The following PTK2 variants were observed in gnomAD, a reference collection of about 807,000 sequenced individuals.
The protein encoded by PTK2 is protein tyrosine kinase 2, also known as focal adhesion kinase 1.
A neutral mutation model predicts 150.1 loss-of-function variants in PTK2; 45 were observed. The ratio of observed to expected loss-of-function variants is 0.30; its 90% CI spans 0.24 to 0.38. The LOEUF (loss-of-function observed/expected upper bound fraction) is 0.38, where lower values mean the gene tolerates loss of function less well. Among genes scored for constraint, PTK2 ranks in the 10% least tolerant of loss-of-function variants. The pLI, the probability that PTK2 is intolerant of heterozygous loss-of-function variation, is 1.00. For missense variants in PTK2, 919 were observed against 1,307.3 expected (o/e 0.70, Z 4.58); for synonymous variants, 432 against 449.2 (o/e 0.96, Z 0.48).
intron 4 of PTK2, among the ~76,000 whole-genome samples, chr8:140,873,075 T>C (rs752697928): frequency 2.6e-5 from 4 of 152,240 alleles, no homozygotes; most frequent in Non-Finnish European, 5.9e-5. Context: ...ATGAACATTA[T>C]TGCAGTTATA....
intron 2 of PTK2, among the ~76,000 whole-genome samples, chr8:140,893,888 G>A (rs1487639843): frequency 6.6e-6 from 1 of 152,168 alleles, no homozygotes; most frequent in East Asian, 1.9e-4. Flanking sequence ...TGGGGAAACA[G>A]AACTCTCATA....
At chr8:140,825,379 T>C (rs1206900422) in intron 8 of PTK2, among the ~76,000 whole-genome samples, 1 of 152,210 alleles carries the variant, frequency 6.6e-6, no homozygotes, top group African/African-American at 2.4e-5. Flanking sequence ...CTGCTCATCC[T>C]AGAAATGAAA....
chr8:140,763,260 C>T (rs1032458825), intron 15 of PTK2, among the ~76,000 whole-genome samples: 2 of 152,088 alleles, frequency 1.3e-5, no homozygotes, highest in Admixed American at 6.5e-5. Flanking sequence ...CTCTTCATTC[C>T]GGTAATGCTT....
chr8:140,735,215 C>A, intron 22 of PTK2, 36 bp downstream of exon 25: 1 of 1,583,178 alleles, frequency 6.3e-7, no homozygotes. Flanking sequence ...CATAATCTGC[C>A]CCCACCCCCA....
At chr8:140,917,558 C>T (rs1174447424) in intron 2 of PTK2, among the ~76,000 whole-genome samples, 1 of 152,128 alleles carries the variant, frequency 6.6e-6, no homozygotes, top group Admixed American at 6.6e-5. Context: ...AAAAGTTTGA[C>T]ATGGAAGATT....
At chr8:140,889,519 A>G (rs1345919115) in intron 3 of PTK2, among the ~76,000 whole-genome samples, 3 of 152,096 alleles carry the variant, frequency 2.0e-5, no homozygotes, top group African/African-American at 7.2e-5. Context: ...ATGGACCACC[A>G]TGCCCGACCT....
At chr8:140,848,908 C>T (rs538463629) in intron 5 of PTK2, among the ~76,000 whole-genome samples, 17 of 152,128 alleles carry the variant, frequency 1.1e-4, no homozygotes, top group Admixed American at 5.9e-4. Context: ...GAAAATGCAC[C>T]ATTACCAAAT....
intron 22 of PTK2, among the ~76,000 whole-genome samples, chr8:140,720,701 T>C (rs896149886): frequency 1.2e-4 from 18 of 152,204 alleles, no homozygotes; most frequent in African/African-American, 4.1e-4. Context: ...TCAGATAATA[T>C]CCTGTGTAAC....
At chr8:140,952,715 A>G (rs1347318608) in intron 1 of PTK2, among the ~76,000 whole-genome samples, 1 of 152,208 alleles carries the variant, frequency 6.6e-6, no homozygotes, top group Non-Finnish European at 1.5e-5. Context: ...CACAAAAGAG[A>G]TTTATAAATA....
At chr8:140,945,421 C>G (rs752376112) in intron 1 of PTK2, among the ~76,000 whole-genome samples, 89 of 152,124 alleles carry the variant, frequency 5.9e-4, no homozygotes, top group Non-Finnish European at 9.0e-4. Context: ...CCTTCCTCCA[C>G]AAAAAATTTT....
intron 20 of PTK2, among the ~76,000 whole-genome samples, chr8:140,740,387 G>A (rs533985418): frequency 6.6e-6 from 1 of 152,334 alleles, no homozygotes; most frequent in East Asian, 1.9e-4. Flanking sequence ...CACAGGAACA[G>A]CACCCTGATT....
intron 27 of PTK2, among the ~76,000 whole-genome samples, chr8:140,675,971 G>A (rs2100013382): frequency 6.6e-6 from 1 of 152,150 alleles, no homozygotes; most frequent in Non-Finnish European, 1.5e-5. Flanking sequence ...TGTTTATCAT[G>A]GCACTACTCC....
intron 4 of PTK2, among the ~76,000 whole-genome samples, chr8:140,867,589 G>A (rs1052305119): frequency 3.3e-5 from 5 of 152,178 alleles, no homozygotes; most frequent in African/African-American, 1.2e-4. Flanking sequence ...TCCACATAAA[G>A]CAGGAATTAA....
At chr8:140,804,846 C>T (rs1465892784) in intron 10 of PTK2, among the ~76,000 whole-genome samples, 1 of 152,184 alleles carries the variant, frequency 6.6e-6, no homozygotes, top group Non-Finnish European at 1.5e-5. Context: ...AGGCAGCCCT[C>T]CATTCTCTGG....
intron 7 of PTK2, among the ~76,000 whole-genome samples, chr8:140,832,293 G>C (rs1299363912): frequency 2.0e-5 from 3 of 152,154 alleles, no homozygotes; most frequent in Non-Finnish European, 4.4e-5. Flanking sequence ...GACCTCAAGT[G>C]ATCTGCCCGC....
intron 10 of PTK2, among the ~76,000 whole-genome samples, chr8:140,816,087 A>C (rs2100104547): frequency 6.6e-6 from 1 of 152,198 alleles, no homozygotes; most frequent in African/African-American, 2.4e-5. Flanking sequence ...TTATACACTT[A>C]TAAAATCCAA....
intron 10 of PTK2, among the ~76,000 whole-genome samples, chr8:140,813,925 G>A (rs1187695571): frequency 1.3e-5 from 2 of 151,904 alleles, no homozygotes; most frequent in East Asian, 3.9e-4. Flanking sequence ...GATTAATAAA[G>A]AAGAGAGAAG....
chr8:140,827,577 T>G (rs577388262), intron 8 of PTK2, among the ~76,000 whole-genome samples: 1 of 152,258 alleles, frequency 6.6e-6, no homozygotes, highest in East Asian at 1.9e-4. Flanking sequence ...AGGGAAGGCA[T>G]AACCAAGGAA....
At chr8:141,000,199 T>G (rs1005220550) in intron 1 of PTK2, among the ~76,000 whole-genome samples, 1 of 151,304 alleles carries the variant, frequency 6.6e-6, no homozygotes, top group East Asian at 1.9e-4. Flanking sequence ...CAGTTGCGCC[T>G]AAGCCACCGC....
Sources: allele counts gnomAD v4.1 joint callset (sites outside exome capture counted in the v4.1 genomes callset), GRCh38; gene constraint gnomAD v4.1.1; transcripts MANE v1.5; gene names NCBI Gene and HGNC (gene_info 2026-07-23, HGNC 2026-07-21).